The following MAN2B2 variants were observed in gnomAD, a reference collection of about 807,000 sequenced individuals.
MAN2B2 encodes the protein epididymis-specific alpha-mannosidase.
MAN2B2 carries 106 observed loss-of-function variants against 117.1 expected under a neutral mutation model. The observed-to-expected ratio is 0.90, with a 90% CI of 0.77 to 1.06. The LOEUF (loss-of-function observed/expected upper bound fraction) is 1.06. MAN2B2 is among the 50% of genes least tolerant of loss of function. The probability of loss-of-function intolerance (pLI) is 0.00; values close to 1 mark genes in which losing one functional copy is unlikely to be tolerated. For synonymous variants in MAN2B2, 544 were observed against 595.1 expected (o/e 0.91, Z 1.25); for missense variants, 1,326 against 1,381.4 (o/e 0.96, Z 0.64).
intron 16 of MAN2B2, among the ~76,000 whole-genome samples, chr4:6,614,937 T>C (rs1019081682): frequency 1.3e-5 from 2 of 152,164 alleles, no homozygotes; most frequent in Non-Finnish European, 2.9e-5. Context: ...GATGGGGGGC[T>C]CCCCGAGGAG....
In MAN2B2 at chr4:6,585,222, C is replaced by T. The variant is rs570014458; in HGVS notation, c.392-1774C>T. Among the ~76,000 whole-genome samples, 4 of 152,304 alleles carry T rather than the reference C, an allele frequency of 2.6e-5. No homozygotes were observed. In the East Asian group the frequency reaches 7.7e-4, roughly 29 times the overall value. On this transcript the variant is annotated intron_variant, in intron 3 of 18. Coordinates refer to ENST00000285599, the MANE Select transcript of MAN2B2 (RefSeq NM_015274.3). ...CTGCCCTGTCTTGCTTGGCCTTGCTCATAGGTCTGACTGCTGCTCGGTCCC... is the reference window on the plus strand; with the variant it reads ...CTGCCCTGTCTTGCTTGGCCTTGCTTATAGGTCTGACTGCTGCTCGGTCCC...
chr4:6,579,637 A>G (rs551568530), intron 3 of MAN2B2, among the ~76,000 whole-genome samples: 1 of 151,188 alleles, frequency 6.6e-6, no homozygotes, highest in African/African-American at 2.4e-5. Flanking sequence ...TACTACCACT[A>G]CCATCACCAC....
chr4:6,614,600 CCT>C (rs1388053172), intron 16 of MAN2B2, among the ~76,000 whole-genome samples: 2 of 152,190 alleles, frequency 1.3e-5, no homozygotes, highest in African/African-American at 2.4e-5. Context: ...TGAATGGATC[CCT>C]CTCAGCCTGC....
Position 6,598,345 on chromosome 4 carries a change from G to A in MAN2B2, c.1396G>A (p.Ala466Thr). ...GCTCCAGCCCCAGGCACCCATGGCG[G>A]CCAGCTCCGGTGAGCAGGGCCCTGC... ...DELQPQAPMA[A>T]SSDAGPAGHF... The change falls in exon 9 of 19, where the codon GCC (alanine) becomes ACC (threonine). Residue 466 changes from alanine (A) to threonine (T), a missense_variant. By Grantham distance (58) the Ala-to-Thr change is moderately conservative. Transcript: ENST00000285599. 6.2e-7 allele frequency: 1 copy of A among 1,611,932 alleles called. No homozygotes were observed.
rs527264384 is a variant in MAN2B2, at chr4:6,609,636, C to A, written c.2007-162C>A. The A allele has an allele frequency of 2.0e-4, 175 of 891,090 alleles. No individual in the cohort carries two copies. In the South Asian group the frequency reaches 2.6e-3, roughly 13 times the overall value. The allele number at this position is 891,090 out of a possible 1,614,324, so 55.2% of individuals were successfully genotyped here. A position where few individuals can be genotyped will look rare whatever the true frequency, so the allele number is the denominator to read the frequency against. The stretch of plus-strand genomic sequence containing the variant: ...GGGAACCAGGCTGCTCCCAGCCGCT[C>A]GGGGTCCTGGGTGGTGCTATTGTCC... On this transcript the variant is annotated intron_variant, in intron 12 of 18. Coordinates refer to ENST00000285599, the MANE Select transcript of MAN2B2 (RefSeq NM_015274.3).
At chr4:6,587,216 T>C in intron 4 of MAN2B2, 48 bp downstream of exon 4, 2 of 1,589,300 alleles carry the variant, frequency 1.3e-6, no homozygotes, top group South Asian at 2.3e-5. Flanking sequence ...GCTCCTCCCT[T>C]CCTTCCTTGA....
intron 13 of MAN2B2, among the ~76,000 whole-genome samples, 184 bp downstream of exon 13, chr4:6,610,234 G>T (rs564087905): frequency 1.8e-4 from 28 of 152,242 alleles, no homozygotes; most frequent in Admixed American, 1.3e-3. Flanking sequence ...TTGGCTCACT[G>T]CAACCTCTGC....
chr4:6,576,501 A>G, intron 1 of MAN2B2, 77 bp from the exon 2 acceptor site: 2 of 1,555,380 alleles, frequency 1.3e-6, no homozygotes, highest in Admixed American at 1.7e-5. Flanking sequence ...ATGCAGACAC[A>G]CCTGGCGAAT....
At chr4:6,589,846 G>A (rs1726787828) in intron 5 of MAN2B2, among the ~76,000 whole-genome samples, 2 of 151,862 alleles carry the variant, frequency 1.3e-5, no homozygotes, top group South Asian at 2.1e-4. Flanking sequence ...TTGGGAGGCT[G>A]AGGCAGGACA....
At chr4:6,594,790 T>G in intron 7 of MAN2B2, 58 bp downstream of exon 7, 1 of 1,495,780 alleles carries the variant, frequency 6.7e-7, no homozygotes, top group Non-Finnish European at 9.1e-7. Context: ...ATAGTCCACG[T>G]ACCCTCTGCC....
chr4:6,578,876 T>C (rs1171361185), intron 3 of MAN2B2, among the ~76,000 whole-genome samples: 1 of 151,920 alleles, frequency 6.6e-6, no homozygotes, highest in African/African-American at 2.4e-5. Context: ...TAGTAGGATG[T>C]GGGTTCCCTA....
At chr4:6,601,326 A>G (rs114816356) in intron 10 of MAN2B2, among the ~76,000 whole-genome samples, 5,953 of 152,286 alleles carry the variant, frequency 0.039, 150 homozygotes, top group Non-Finnish European at 0.06. Context: ...CAACATGGGG[A>G]AACCTCGTCT....
rs778484022 is a variant in MAN2B2 at position 6,597,301 on chromosome 4, G to A, written c.1246G>A (p.Glu416Lys). Residue 416 changes from glutamate to lysine, a missense_variant and splice_region_variant, in exon 8 of 19, where the codon GAG becomes AAG. Physicochemically the swap from Glu to Lys is moderately conservative, Grantham distance 56. Coordinates refer to ENST00000285599, the MANE Select transcript of MAN2B2 (RefSeq NM_015274.3). Reference protein sequence around the residue: ...QLQQLRWAVSEVQHHDAITGT... With the variant: ...QLQQLRWAVSKVQHHDAITGT... ...CCAGCAGCTTCGCTGGGCCGTCTCC[G>A]AGGTAACACCACATTTAGCCACAGT... is the stretch of plus-strand genomic sequence containing the variant. The A allele has an allele frequency of 3.4e-5, 52 of 1,539,814 alleles. No individual in the cohort carries two copies. Among genetic ancestry groups the A allele is most frequent in the South Asian group, 1.4e-4 (11 of 81,078 alleles).
chr4:6,604,663 G>C (rs961589254), intron 10 of MAN2B2, among the ~76,000 whole-genome samples: 1 of 152,066 alleles, frequency 6.6e-6, no homozygotes, highest in Non-Finnish European at 1.5e-5. Flanking sequence ...TGACATCCAC[G>C]TGGAGGCGTC....
At chr4:6,583,177 G>C (rs1219975150) in intron 3 of MAN2B2, among the ~76,000 whole-genome samples, 1 of 152,192 alleles carries the variant, frequency 6.6e-6, no homozygotes, top group Admixed American at 6.5e-5. Context: ...AGCCAGGGCA[G>C]GCAGCTTCCT....
intron 3 of MAN2B2, among the ~76,000 whole-genome samples, chr4:6,579,872 G>C (rs1041976404): frequency 2.0e-5 from 3 of 152,362 alleles, no homozygotes; most frequent in Admixed American, 2.0e-4. Context: ...AATCCTAATG[G>C]CGGGCTGATG....
At chr4:6,576,785 A>C in intron 2 of MAN2B2, 61 bp downstream of exon 2, 1 of 1,595,160 alleles carries the variant, frequency 6.3e-7, no homozygotes, top group Non-Finnish European at 8.6e-7. Flanking sequence ...CAGGTGGAAA[A>C]CTCAATGGGG....
chr4:6,583,957 T>A (rs1726538708), intron 3 of MAN2B2, among the ~76,000 whole-genome samples: 1 of 152,192 alleles, frequency 6.6e-6, no homozygotes, highest in African/African-American at 2.4e-5. Context: ...CAGTGGAGTG[T>A]CCCTGGAAGG....
chr4:6,587,303 T>C, intron 4 of MAN2B2, 135 bp downstream of exon 4: 2 of 1,099,654 alleles, frequency 1.8e-6, no homozygotes, highest in Non-Finnish European at 2.5e-6. Flanking sequence ...ACCGCGGGGC[T>C]GTCCCCTAAC....
Sources: gnomAD v4.1 joint callset for allele counts (sites outside exome capture counted in the v4.1 genomes callset) on GRCh38, gnomAD v4.1.1 for gene constraint, MANE v1.5 for transcripts, NCBI Gene and HGNC (gene_info 2026-07-23, HGNC 2026-07-21) for gene names.